IK: variants seen among roughly 807,000 people sequenced by gnomAD.
The protein encoded by IK is IK cytokine, also known as protein Red.
IK carries 47 observed loss-of-function variants against 90.9 expected under a neutral mutation model. The ratio of observed to expected loss-of-function variants is 0.52; its 90% confidence interval spans 0.41 to 0.66. The LOEUF is 0.66. IK is among the 30% of genes least tolerant of loss of function. The probability of loss-of-function intolerance (pLI) is 0.00; values close to 1 mark genes in which losing one functional copy is unlikely to be tolerated. For missense variants in IK, 385 were observed against 709.3 expected (o/e 0.54, Z 5.19); for synonymous variants, 201 against 227.5 (o/e 0.88, Z 1.05).
At chr5:140,658,688 T>C (rs1757748991) in intron 10 of IK, 49 bp from the exon 11 acceptor site, 1 of 1,452,318 alleles carries the variant, frequency 6.9e-7, no homozygotes, top group Non-Finnish European at 9.6e-7. Context: ...TGAAGTTCAG[T>C]GGAAATTAAC....
rs1383915461 is a variant in IK at position 140,660,824 on chromosome 5, T to G, written c.1413+9T>G. On this transcript the variant is annotated intron_variant, in intron 16 of 19. Transcript: ENST00000417647. Reference sequence around the variant, plus strand: ...ATAGCAAAATGGACCAGGTATGTAGTTAGAAGGATGGTGGGCGCCTTTGGG... The same window carrying G: ...ATAGCAAAATGGACCAGGTATGTAGGTAGAAGGATGGTGGGCGCCTTTGGG... 6.2e-7 allele frequency: 1 copy of G among 1,608,738 alleles called. No homozygotes were observed. Among genetic ancestry groups the G allele is most frequent in the South Asian group, 1.1e-5 (1 of 90,868 alleles).
intron 16 of IK, 79 bp downstream of exon 16, chr5:140,660,894 A>G: frequency 8.9e-7 from 1 of 1,120,930 alleles, no homozygotes; most frequent in African/African-American, 1.5e-5. Context: ...CACTCCTAAA[A>G]AATCTATCTC....
chr5:140,649,375 A>T (rs1561971004), intron 2 of IK, among the ~76,000 whole-genome samples: 1 of 145,876 alleles, frequency 6.9e-6, no homozygotes. Flanking sequence ...TGCACGACTG[A>T]TTTTTTTTTT....
At chr5:140,657,293 T>C (rs555508284) in intron 9 of IK, among the ~76,000 whole-genome samples, 2 of 152,348 alleles carry the variant, frequency 1.3e-5, no homozygotes, top group South Asian at 4.1e-4. Flanking sequence ...GCAAAATCTT[T>C]ACCATGACTT....
chr5:140,648,593 G>A (rs765714284), intron 2 of IK, 56 bp downstream of exon 2: 11 of 1,480,964 alleles, frequency 7.4e-6, no homozygotes, highest in Non-Finnish European at 1.0e-5. Flanking sequence ...TAGAAAAGTG[G>A]TGGTGATGGT....
At chr5:140,651,556 T>G (rs1428699652) in intron 2 of IK, among the ~76,000 whole-genome samples, 158 bp from the exon 3 acceptor site, 1 of 150,744 alleles carries the variant, frequency 6.6e-6, no homozygotes, top group Non-Finnish European at 1.5e-5. Flanking sequence ...CCAATATGGG[T>G]GACAGTGAGA....
chr5:140,656,913 C>A (rs1204889408), intron 9 of IK, among the ~76,000 whole-genome samples: 1 of 152,078 alleles, frequency 6.6e-6, no homozygotes, highest in East Asian at 1.9e-4. Context: ...CCCTACCCTT[C>A]TAAAATATAC....
At chr5:140,652,558 C>T (rs187729279) in intron 4 of IK, among the ~76,000 whole-genome samples, 75 of 152,198 alleles carry the variant, frequency 4.9e-4, no homozygotes, top group Middle Eastern at 3.4e-3. Flanking sequence ...TTATATGATA[C>T]GAAAGTTTCA....
chr5:140,648,107 C>A (rs564268917), intron 1 of IK, 183 bp downstream of exon 1: 2 of 759,172 alleles, frequency 2.6e-6, no homozygotes, highest in Admixed American at 2.0e-5. Context: ...AGGCCGACAG[C>A]TCCAAACTCC....
intron 2 of IK, 49 bp downstream of exon 2, chr5:140,648,586 A>G (rs1581478552): frequency 6.5e-7 from 1 of 1,531,958 alleles, no homozygotes; most frequent in Non-Finnish European, 9.0e-7. Context: ...CAATGAATAG[A>G]AAAGTGGTGG....
intron 2 of IK, among the ~76,000 whole-genome samples, chr5:140,650,904 C>G (rs1757603983): frequency 6.6e-6 from 1 of 152,070 alleles, no homozygotes; most frequent in African/African-American, 2.4e-5. Context: ...AAGGCTATAA[C>G]TGAATTAAAT....
rs750163427 is a variant in IK at position 140,661,632 on chromosome 5, G to C, written c.1426G>C (p.Gly476Arg). 6.2e-7 allele frequency: 1 copy of C among 1,607,196 alleles called. No individual in the cohort carries two copies. The highest frequency in any genetic ancestry group is 1.3e-5 in the African/African-American group (1 of 74,814). The change falls in exon 17 of 20, where the codon GGG (glycine) becomes CGG (arginine). Residue 476 changes from glycine (G) to arginine (R), a missense_variant. By Grantham distance (125) the Gly-to-Arg change is moderately radical (BLOSUM62 -2). This residue lies in a region of IK where 23 missense variants were observed against 115.2 expected (regional missense o/e 0.20). Transcript: ENST00000417647. The surrounding 1 kb of genome is among the most constrained non-coding windows in gnomAD (Gnocchi z 4.2). ...YSKMDQGNKK[G>R]PLGRWDFDTQ... ...TGTCCTGCAACAGGGTAACAAGAAG[G>C]GGCCCTTAGGCCGTTGGGACTTTGA...
In IK at chr5:140,655,893, G is replaced by C; in HGVS notation, c.702G>C (p.Pro234=). 1.2e-6 allele frequency: 2 copies of C among 1,601,110 alleles called. No individual in the cohort carries two copies. Residue 234 remains proline (P), a synonymous_variant, in exon 9 of 20, where the codon CCG becomes CCC. Transcript: ENST00000417647. ...KAYERNELFL[P]GRMAYVVDLD... is the part of the protein sequence containing the mutation. Reference sequence around the variant, plus strand: ...ATGAGCGGAATGAGTTGTTCCTGCCGGGCCGCATGGCCTATGTGGTAGACC... The same window carrying C: ...ATGAGCGGAATGAGTTGTTCCTGCCCGGCCGCATGGCCTATGTGGTAGACC...
rs1167204797 is a variant in IK at position 140,658,899 on chromosome 5, A to G, written c.951-40A>G. ...AAATGGTCAGGGGGAGTGAAGGTGTATGTGTGAATTTGGCCAGCTAGTGAT... is the reference window on the plus strand; with the variant it reads ...AAATGGTCAGGGGGAGTGAAGGTGTGTGTGTGAATTTGGCCAGCTAGTGAT... On this transcript the variant is annotated intron_variant, in intron 11 of 19. Coordinates refer to ENST00000417647, the MANE Select transcript of IK (RefSeq NM_006083.4). 6.2e-7 allele frequency: 1 copy of G among 1,611,254 alleles called. No homozygotes were observed. The highest frequency in any genetic ancestry group is 8.5e-7 in the Non-Finnish European group (1 of 1,177,610).
rs1757763762 is a variant in IK at position 140,659,319 on chromosome 5, T to C, written c.1181T>C (p.Met394Thr). ...FEKPKVDDEP[M>T]DVDKGPGSTK... ...CACATTTTGTGTTCTTTCCAGCCCA[T>C]GGACGTTGACAAAGGTGAGTTGTAC... The change falls in exon 13 of 20, where the codon ATG (methionine) becomes ACG (threonine). Residue 394 changes from methionine to threonine, a missense_variant. By Grantham distance (81) the Met-to-Thr change is moderately conservative (BLOSUM62 -1). Transcript: ENST00000417647. The C allele has an allele frequency of 1.9e-6, 3 of 1,613,888 alleles. No individual in the cohort carries two copies. The highest frequency in any genetic ancestry group is 2.2e-5 in the East Asian group (1 of 44,898).
chr5:140,654,471 A>C, intron 6 of IK, 45 bp from the exon 7 acceptor site: 3 of 1,451,850 alleles, frequency 2.1e-6, no homozygotes, highest in Non-Finnish European at 2.8e-6. Context: ...GATGTTCAAT[A>C]AATATATAAA....
intron 5 of IK, 142 bp downstream of exon 5, chr5:140,653,286 C>CTT (rs58111764): frequency 4.7e-3 from 1,737 of 369,084 alleles, no homozygotes; most frequent in Middle Eastern, 9.0e-3. Flanking sequence ...AAGGGCTGTT[C>CTT]TTTTTTTTTT....
intron 4 of IK, among the ~76,000 whole-genome samples, 158 bp from the exon 5 acceptor site, chr5:140,652,819 G>A (rs1757638108): frequency 6.6e-6 from 1 of 152,188 alleles, no homozygotes; most frequent in Non-Finnish European, 1.5e-5. Flanking sequence ...CTGATTTTGA[G>A]TAACTACGAA....
intron 2 of IK, among the ~76,000 whole-genome samples, chr5:140,649,289 A>G (rs1757569375): frequency 6.7e-6 from 1 of 148,200 alleles, no homozygotes; most frequent in African/African-American, 2.5e-5. Flanking sequence ...GCTCACTGCA[A>G]CCTCTGCCTC....
Sources: allele counts gnomAD v4.1 joint callset (sites outside exome capture counted in the v4.1 genomes callset), GRCh38; gene constraint gnomAD v4.1.1; regional missense constraint gnomAD v4.1.1; non-coding constraint Gnocchi (gnomAD v3.1); transcripts MANE v1.5; gene names NCBI Gene and HGNC (gene_info 2026-07-23, HGNC 2026-07-21).